Variants in MUC5AC observed in about 807,000 individuals in gnomAD.
MUC5AC encodes the protein mucin 5AC, oligomeric mucus/gel-forming.
A neutral mutation model predicts 169.7 loss-of-function variants in MUC5AC; 158 were observed. The ratio of observed to expected loss-of-function variants is 0.93; its 90% confidence interval spans 0.82 to 1.06. MUC5AC has a LOEUF of 1.06. Ranked by LOEUF, MUC5AC falls within the 50% of genes least tolerant of loss-of-function variation. The pLI is 0.00. For synonymous variants in MUC5AC, 1,975 were observed against 1,237.0 expected, an observed-to-expected ratio of 1.60 and a Z score of -12.52; for missense variants, 4,359 against 3,089.9, an observed-to-expected ratio of 1.41 and a Z score of -9.74.
intron 15 of MUC5AC, 98 bp downstream of exon 15, chr11:1,169,124 C>T (rs1860422314): frequency 1.8e-5 from 25 of 1,426,654 alleles, no homozygotes; most frequent in Non-Finnish European, 2.2e-5. Flanking sequence ...CCTGCGTGTG[C>T]CTGTGAGCCG....
chr11:1,199,222 C>A (rs770681737), intron 45 of MUC5AC, 37 bp downstream of exon 45: 3 of 734,384 alleles, frequency 4.1e-6, no homozygotes, highest in Non-Finnish European at 7.4e-6. Flanking sequence ...AGGGCAGGGT[C>A]TGGGAGCACT....
rs1398483659 is a variant in MUC5AC at position 1,201,068 on chromosome 11, GCCC to G, written c.*367_*369del. 9.5e-6 allele frequency: 2 copies of G among 209,848 alleles called. No homozygotes were observed. The highest frequency in any genetic ancestry group is 1.9e-5 in the Non-Finnish European group (2 of 105,512). The allele number at this position is 209,848 out of a possible 1,614,324, so 13.0% of individuals were successfully genotyped here. On this transcript the variant is annotated 3_prime_UTR_variant, in exon 49 of 49. Coordinates refer to ENST00000621226, the MANE Select transcript of MUC5AC (RefSeq NM_001304359.2). ...GAGGAAGAACCTCACTCCTACCTCAGCCCTCAGCCTGCGCTCCCCTCCTCAGTA... is the reference window on the plus strand; with the variant it reads ...GAGGAAGAACCTCACTCCTACCTCAGTCAGCCTGCGCTCCCCTCCTCAGTA...
chr11:1,196,340 G>T (rs1355184892), intron 37 of MUC5AC, 48 bp from the exon 38 acceptor site: 1 of 761,332 alleles, frequency 1.3e-6, no homozygotes, highest in Admixed American at 1.7e-5. Context: ...GCGTTGCTCT[G>T]GGTGGGTGCC....
intron 41 of MUC5AC, 105 bp from the exon 42 acceptor site, chr11:1,197,798 C>T (rs531699231): frequency 1.3e-5 from 8 of 638,746 alleles, no homozygotes; most frequent in East Asian, 2.7e-5. Flanking sequence ...TGGAGACCCC[C>T]GAGCGGGCTG....
chr11:1,174,862 C>T lies in MUC5AC; in HGVS notation c.2093-20C>T, dbSNP rs1860634736. On this transcript the variant is annotated intron_variant, in intron 17 of 48. Coordinates refer to ENST00000621226, the MANE Select transcript of MUC5AC (RefSeq NM_001304359.2). ...CCGGGCTGTGTGTCCTGAGAATCCC[C>T]TCTTCCTGGCATCCCGCAGCGAAGC... 4.8e-6 allele frequency: 2 copies of T among 418,614 alleles called. No individual in the cohort carries two copies. Among genetic ancestry groups the T allele is most frequent in the Non-Finnish European group, 8.4e-6 (2 of 236,738 alleles). The allele number at this position is 418,614 out of a possible 1,614,324, so 25.9% of individuals were successfully genotyped here.
At position 1,185,136 on chromosome 11, in the gene MUC5AC, A is replaced by C. The variant is rs1226798465; in HGVS notation, c.6991A>C (p.Ser2331Arg). 5.5e-6 allele frequency: 4 copies of C among 728,904 alleles called. No individual in the cohort carries two copies. The highest frequency in any genetic ancestry group is 1.0e-5 in the Non-Finnish European group (4 of 399,614). 45.2% of individuals were successfully genotyped at this position (728,904 alleles called of 1,614,324 possible). Residue 2331 changes from serine to arginine, a missense_variant, in exon 31 of 49, where the codon AGC (serine) becomes CGC (arginine). Ser to Arg is a moderately radical substitution (Grantham distance 110). Transcript: ENST00000621226. ...TAGCATAACCTCTGCCCCTACAACCAGCACAACCTCTGCCCCTACAAGCAG... is the reference window on the plus strand; with the variant it reads ...TAGCATAACCTCTGCCCCTACAACCCGCACAACCTCTGCCCCTACAAGCAG... Reference protein sequence around the residue: ...TTSITSAPTTSTTSAPTSSTT... With the variant: ...TTSITSAPTTRTTSAPTSSTT...
Position 1,190,118 on chromosome 11 carries a change from C to T in MUC5AC, c.11973C>T (p.Cys3991=). ...NNIIRSGEKI[C]RRPEEITRLQ... ...TCATCAGGAGTGGGGAAAAAATCTG[C>T]CGCCGACCTGAGGAGATCACCAGGC... The change falls in exon 31 of 49, where the codon TGC becomes TGT. Residue 3991 remains cysteine (C), a synonymous_variant. Coordinates refer to ENST00000621226, the MANE Select transcript of MUC5AC (RefSeq NM_001304359.2). 2.6e-6 allele frequency: 2 copies of T among 762,022 alleles called. No individual in the cohort carries two copies. The highest frequency in any genetic ancestry group is 4.8e-6 in the Non-Finnish European group (2 of 416,460). The allele number at this position is 762,022 out of a possible 1,614,324, so 47.2% of individuals were successfully genotyped here.
rs780428239 is a variant in MUC5AC at position 1,163,011 on chromosome 11, C to T, written c.645C>T (p.Asn215=). Residue 215 remains asparagine, a synonymous_variant, in exon 6 of 49, where the codon AAC becomes AAT. Transcript: ENST00000621226. ...CCTGTGGGCTCTGTGGGGACTTCAACGGGATGCCCGTGGTCAGCGAGCTCC... is the reference window on the plus strand; with the variant it reads ...CCTGTGGGCTCTGTGGGGACTTCAATGGGATGCCCGTGGTCAGCGAGCTCC... ...NKTCGLCGDF[N]GMPVVSELLS... The T allele has an allele frequency of 2.6e-5, 42 of 1,612,568 alleles. No individual in the cohort carries two copies. Among genetic ancestry groups the T allele is most frequent in the African/African-American group, 2.0e-4 (15 of 74,918 alleles).
intron 6 of MUC5AC, 42 bp from the exon 7 acceptor site, chr11:1,163,840 A>C: frequency 6.8e-7 from 1 of 1,481,358 alleles, no homozygotes; most frequent in Non-Finnish European, 9.3e-7. Flanking sequence ...GCTGACGGGT[A>C]CCGGGACCTG....
chr11:1,164,658 C>T (rs1432118078), intron 9 of MUC5AC, 126 bp downstream of exon 9: 41 of 1,350,054 alleles, frequency 3.0e-5, no homozygotes, highest in Non-Finnish European at 3.8e-5. Context: ...CTGACTGAGG[C>T]CCCTGTCCTG....
At chr11:1,163,086 C>T in intron 6 of MUC5AC, 41 bp downstream of exon 6, 1 of 1,563,442 alleles carries the variant, frequency 6.4e-7, no homozygotes, top group South Asian at 1.1e-5. Flanking sequence ...CTCAGTGTCC[C>T]CTGGGGGCTC....
chr11:1,187,558 C>A lies in MUC5AC; in HGVS notation c.9413C>A (p.Thr3138Asn), dbSNP rs1334380677. ...PTTSTTSPPT[T>N]STTSASTASK... ...ACCAGCACAACCTCTCCTCCTACAA[C>A]CAGCACAACTTCTGCCTCTACAGCC... Residue 3138 changes from threonine to asparagine, a missense_variant, in exon 31 of 49, where the codon ACC (threonine) becomes AAC (asparagine). By Grantham distance (65) the Thr-to-Asn change is moderately conservative (BLOSUM62 0). Coordinates refer to ENST00000621226, the MANE Select transcript of MUC5AC (RefSeq NM_001304359.2). The A allele has an allele frequency of 1.3e-6, 1 of 753,778 alleles. No individual in the cohort carries two copies. The highest frequency in any genetic ancestry group is 1.7e-5 in the African/African-American group (1 of 58,724). 46.7% of individuals were successfully genotyped at this position (753,778 alleles called of 1,614,324 possible).
rs546465032 is a variant in MUC5AC at position 1,196,053 on chromosome 11, C to T, written c.15636C>T (p.Cys5212=). 2.1e-5 allele frequency: 16 copies of T among 763,604 alleles called. No homozygotes were observed. In the Admixed American group the frequency reaches 2.2e-4, roughly 11 times the overall value. 47.3% of individuals were successfully genotyped at this position (763,604 alleles called of 1,614,324 possible). A position where few individuals can be genotyped will look rare whatever the true frequency, so the allele number is the denominator to read the frequency against. ...GGAGAGGCCGGACCGGCCACATGTGCCGTGAGTGCCACCACTGTCCTCAGG... is the reference window on the plus strand; with the variant it reads ...GGAGAGGCCGGACCGGCCACATGTGTCGTGAGTGCCACCACTGTCCTCAGG... ...IDWRGRTGHM[C]PFTCPADKVY... Residue 5212 remains cysteine (C), a splice_region_variant and synonymous_variant, in exon 37 of 49, where the codon TGC becomes TGT. Transcript: ENST00000621226.
intron 15 of MUC5AC, 137 bp downstream of exon 15, chr11:1,169,163 G>GGT (rs1248705093): frequency 1.1e-5 from 15 of 1,411,350 alleles, no homozygotes; most frequent in African/African-American, 2.9e-5. Flanking sequence ...GGGGCCCAAG[G>GGT]ACAGGCTCAT....
At chr11:1,172,709 A>T (rs996710090) in intron 16 of MUC5AC, among the ~76,000 whole-genome samples, 186 bp downstream of exon 16, 2 of 148,144 alleles carry the variant, frequency 1.4e-5, no homozygotes, top group Non-Finnish European at 3.0e-5. Flanking sequence ...CCACCCACCC[A>T]TTCACTCATT....
intron 16 of MUC5AC, among the ~76,000 whole-genome samples, chr11:1,174,013 A>G (rs1226367335): frequency 6.6e-6 from 1 of 151,964 alleles, no homozygotes; most frequent in Non-Finnish European, 1.5e-5. Context: ...TCACTCATTC[A>G]TCCACTCATT....
In MUC5AC at chr11:1,192,793, A is replaced by T; in HGVS notation, c.14391A>T (p.Ile4797=). The T allele has an allele frequency of 1.3e-6, 1 of 759,930 alleles. No homozygotes were observed. The highest frequency in any genetic ancestry group is 2.4e-6 in the Non-Finnish European group (1 of 413,858). 47.1% of individuals were successfully genotyped at this position (759,930 alleles called of 1,614,324 possible). Residue 4797 remains isoleucine, a synonymous_variant, in exon 32 of 49, where the codon ATA becomes ATT. Coordinates refer to ENST00000621226, the MANE Select transcript of MUC5AC (RefSeq NM_001304359.2). The part of the protein sequence containing the change: ...ADRLYPAGST[I]YRHRDLAGHC... ...CCCTTCCTCTTACAGGATCCACCAT[A>T]TACCGCCACAGAGACCTCGCTGGCC...
chr11:1,196,164 AG>A lies in MUC5AC; in HGVS notation c.15637+115del, dbSNP rs1228748081. On this transcript the variant is annotated intron_variant, in intron 37 of 48. Coordinates refer to ENST00000621226, the MANE Select transcript of MUC5AC (RefSeq NM_001304359.2). ...CAGTCAGGGGGGGACCTGGAGGAGG[AG>A]GGGGCAGCCCCAGGGCAGAGTGCAC... 3.2e-5 allele frequency: 20 copies of A among 625,092 alleles called. No individual in the cohort carries two copies. In the Admixed American group the frequency reaches 5.0e-4, roughly 16 times the overall value. 38.7% of individuals were successfully genotyped at this position (625,092 alleles called of 1,614,324 possible).
Position 1,197,994 on chromosome 11 carries a change from C to A in MUC5AC, c.16125C>A (p.Val5375=), listed in dbSNP as rs1156991164. 3 of 712,024 alleles carry A rather than the reference C, an allele frequency of 4.2e-6. No homozygotes were observed. The highest frequency in any genetic ancestry group is 2.5e-5 in the East Asian group (1 of 39,446). 44.1% of individuals were successfully genotyped at this position (712,024 alleles called of 1,614,324 possible). A position where few individuals can be genotyped will look rare whatever the true frequency, so the allele number is the denominator to read the frequency against. ...PTYQEGACCP[V]QNCSWTVCSI... Reference sequence around the variant, plus strand: ...ACCAGGAGGGGGCCTGCTGCCCAGTCCAAAACTGCAGTGAGTGGCCTGGAC... The same window carrying A: ...ACCAGGAGGGGGCCTGCTGCCCAGTACAAAACTGCAGTGAGTGGCCTGGAC... Residue 5375 remains valine, a synonymous_variant, in exon 42 of 49, where the codon GTC becomes GTA. Transcript: ENST00000621226.
Sources: allele counts gnomAD v4.1 joint callset (sites outside exome capture counted in the v4.1 genomes callset), GRCh38; gene constraint gnomAD v4.1.1; transcripts MANE v1.5; gene names NCBI Gene and HGNC (gene_info 2026-07-23, HGNC 2026-07-21).